Variants in NFATC3 observed in about 807,000 individuals in gnomAD.
NFATC3 encodes nuclear factor of activated T-cells, cytoplasmic 3.
NFATC3 carries 46 observed loss-of-function variants against 98.6 expected under a neutral mutation model. The ratio of observed to expected loss-of-function variants is 0.47; its 90% CI spans 0.37 to 0.60. The LOEUF is 0.60. Among genes scored for constraint, NFATC3 ranks in the 20% least tolerant of loss-of-function variants. The pLI is 0.00. For synonymous variants in NFATC3, 512 were observed against 472.2 expected (o/e 1.08, Z -1.09); for missense variants, 1,256 against 1,295.5 (o/e 0.97, Z 0.47).
intron 5 of NFATC3, among the ~76,000 whole-genome samples, chr16:68,169,299 C>T (rs2039353005): frequency 6.6e-6 from 1 of 152,106 alleles, no homozygotes; most frequent in Non-Finnish European, 1.5e-5. Context: ...AGCAGGGTCT[C>T]ACTCTTTTGC....
intron 9 of NFATC3, among the ~76,000 whole-genome samples, chr16:68,213,664 A>G (rs2041514655): frequency 6.6e-6 from 1 of 151,858 alleles, no homozygotes; most frequent in Non-Finnish European, 1.5e-5. Context: ...CCCCATCTCT[A>G]CTAAAAATAC....
intron 1 of NFATC3, among the ~76,000 whole-genome samples, chr16:68,096,392 T>A (rs754771121): frequency 2.0e-5 from 3 of 152,182 alleles, no homozygotes; most frequent in Non-Finnish European, 4.4e-5. Context: ...GAGGGGAACA[T>A]TGTATGAGAT....
chr16:68,185,553 C>T (rs2040153496), intron 8 of NFATC3, among the ~76,000 whole-genome samples: 1 of 152,078 alleles, frequency 6.6e-6, no homozygotes. Context: ...GGTTTGATTA[C>T]TTACTACCTT....
chr16:68,100,236 A>G (rs1183356183), intron 1 of NFATC3, among the ~76,000 whole-genome samples: 2 of 152,090 alleles, frequency 1.3e-5, no homozygotes, highest in Non-Finnish European at 2.9e-5. Context: ...ATAAATACCC[A>G]GAAGTACAAA....
At chr16:68,184,435 A>G (rs1288977390) in intron 8 of NFATC3, among the ~76,000 whole-genome samples, 1 of 152,184 alleles carries the variant, frequency 6.6e-6, no homozygotes, top group Admixed American at 6.5e-5. Flanking sequence ...AAAAAATGGC[A>G]TGAAGTGTCC....
At chr16:68,196,711 AC>A (rs1176046215) in intron 9 of NFATC3, among the ~76,000 whole-genome samples, 7 of 151,940 alleles carry the variant, frequency 4.6e-5, no homozygotes, top group Admixed American at 2.0e-4. Context: ...AGAAAAAAAA[AC>A]AACTTTTAAT....
At chr16:68,166,409 A>G (rs1172867724) in intron 4 of NFATC3, among the ~76,000 whole-genome samples, 1 of 152,126 alleles carries the variant, frequency 6.6e-6, no homozygotes, top group African/African-American at 2.4e-5. Flanking sequence ...GCACCATGCT[A>G]GTTGGACTTC....
chr16:68,119,535 T>C (rs927064386), intron 1 of NFATC3, among the ~76,000 whole-genome samples: 3 of 152,176 alleles, frequency 2.0e-5, no homozygotes, highest in Admixed American at 2.0e-4. Flanking sequence ...CCTTGTTTTT[T>C]CTCATACAGT....
In NFATC3 at chr16:68,201,796, A is replaced by G. The variant is rs578261188; in HGVS notation, c.3106+10021A>G. On this transcript the variant is annotated intron_variant, in intron 9 of 9. Coordinates refer to ENST00000346183, the MANE Select transcript of NFATC3 (RefSeq NM_173165.3). ...CAAAACCCCATCTCTACCAAAAAGG[A>G]AAAAAAGAAAAATCAGCTGGGCACG... is the stretch of plus-strand genomic sequence containing the variant. Among the ~76,000 whole-genome samples, 24 of 142,738 alleles carry G rather than the reference A, an allele frequency of 1.7e-4. No homozygotes were observed. In the East Asian group the frequency reaches 4.9e-3, roughly 29 times the overall value. 93.6% of individuals were successfully genotyped at this position (142,738 alleles called of 152,430 possible). A position where few individuals can be genotyped will look rare whatever the true frequency, so the allele number is the denominator to read the frequency against.
intron 4 of NFATC3, among the ~76,000 whole-genome samples, chr16:68,158,875 A>G (rs2038746348): frequency 2.0e-5 from 3 of 152,162 alleles, no homozygotes; most frequent in African/African-American, 7.2e-5. Flanking sequence ...TCTACATCTC[A>G]TTGATCATGC....
chr16:68,151,847 T>C (rs1417398119), intron 3 of NFATC3, among the ~76,000 whole-genome samples: 1 of 151,894 alleles, frequency 6.6e-6, no homozygotes, highest in Non-Finnish European at 1.5e-5. Flanking sequence ...GGCAGGTGGA[T>C]CACCGGAGGC....
At chr16:68,197,100 C>T (rs764702222) in intron 9 of NFATC3, among the ~76,000 whole-genome samples, 4 of 151,804 alleles carry the variant, frequency 2.6e-5, no homozygotes, top group East Asian at 1.9e-4. Context: ...TGGAATATCT[C>T]GTTTTTAATT....
At chr16:68,153,226 G>A (rs935524445) in intron 3 of NFATC3, among the ~76,000 whole-genome samples, 1 of 152,134 alleles carries the variant, frequency 6.6e-6, no homozygotes, top group South Asian at 2.1e-4. Flanking sequence ...TTCAAGACCA[G>A]CATGGCCAAC....
At chr16:68,197,563 G>T (rs898272926) in intron 9 of NFATC3, among the ~76,000 whole-genome samples, 8 of 152,268 alleles carry the variant, frequency 5.3e-5, no homozygotes, top group Admixed American at 5.2e-4. Context: ...GGCTAGCGTG[G>T]ACAACATAGC....
At chr16:68,195,682 C>CGGT (rs2040637120) in intron 9 of NFATC3, among the ~76,000 whole-genome samples, 1 of 151,998 alleles carries the variant, frequency 6.6e-6, no homozygotes, top group African/African-American at 2.4e-5. Flanking sequence ...GTGGTGGTCG[C>CGGT]CTGTAGTCCC....
chr16:68,197,773 A>G (rs2040738435), intron 9 of NFATC3, among the ~76,000 whole-genome samples: 1 of 152,238 alleles, frequency 6.6e-6, no homozygotes, highest in African/African-American at 2.4e-5. Context: ...TATACTACTT[A>G]AAGATACTTA....
rs753373139 is a variant in NFATC3 at position 68,191,156 on chromosome 16, A to C, written c.2487A>C (p.Ser829=). The part of the protein sequence containing the change: ...INAASSQEFD[S]VLFQQDATLS... ...CTGCCTCTAGTCAAGAATTTGATTC[A>C]GTTTTGTTTCAGCAGGATGCAACTC... Residue 829 remains serine (S), a synonymous_variant, in exon 9 of 10, where the codon TCA becomes TCC. Coordinates refer to ENST00000346183, the MANE Select transcript of NFATC3 (RefSeq NM_173165.3). 5.6e-6 allele frequency: 9 copies of C among 1,614,206 alleles called. No homozygotes were observed. The South Asian group carries it at 8.8e-5, about 16-fold the overall frequency.
rs1218851163 is a variant in NFATC3, at chr16:68,126,468, T to C, written c.1259T>C (p.Leu420Pro). The C allele has an allele frequency of 1.2e-6, 2 of 1,613,716 alleles. No homozygotes were observed. Among genetic ancestry groups the C allele is most frequent in the East Asian group, 4.5e-5 (2 of 44,890 alleles). The change falls in exon 3 of 10, where the codon CTA (leucine) becomes CCA (proline). Residue 420 changes from leucine (L) to proline (P), a missense_variant. By Grantham distance (98) the Leu-to-Pro change is moderately conservative. Transcript: ENST00000346183. ...TGTAGCACATCTTCATTACCTCCAC[T>C]AGACTGGCCTTTACCAGCTCATTTT... ...PIFRTSSLPP[L>P]DWPLPAHFGQ... is the part of the protein sequence containing the mutation.
At chr16:68,090,295 ACCC>A (rs11351556) in intron 1 of NFATC3, among the ~76,000 whole-genome samples, 4 of 111,028 alleles carry the variant, frequency 3.6e-5, no homozygotes, top group African/African-American at 6.8e-5. Context: ...TAAACACGCA[ACCC>A]CCCCCCCCCA....
Sources: gnomAD v4.1 joint callset for allele counts (sites outside exome capture counted in the v4.1 genomes callset) on GRCh38, gnomAD v4.1.1 for gene constraint, MANE v1.5 for transcripts, NCBI Gene and HGNC (gene_info 2026-07-23, HGNC 2026-07-21) for gene names.